The following ACE variants were observed in gnomAD, a reference collection of about 807,000 sequenced individuals.
The protein encoded by ACE is angiotensin I converting enzyme, also known as angiotensin-converting enzyme.
ACE carries 122 observed loss-of-function variants against 162.3 expected under a neutral mutation model. The ratio of observed to expected loss-of-function variants is 0.75; its 90% CI spans 0.65 to 0.87. The LOEUF is 0.87. Among genes scored for constraint, ACE ranks in the 40% least tolerant of loss-of-function variants. ACE has a pLI of 0.00. For missense variants in ACE, 1,799 were observed against 1,735.1 expected, an observed-to-expected ratio of 1.04 and a Z score of -0.65; for synonymous variants, 796 against 720.6, an observed-to-expected ratio of 1.10 and a Z score of -1.68.
Position 63,481,575 on chromosome 17 carries a change from G to T in ACE, c.955G>T (p.Ala319Ser), listed in dbSNP as rs34126458. Residue 319 changes from alanine (A) to serine (S), a missense_variant, in exon 7 of 25, where the codon GCC becomes TCC. Coordinates refer to ENST00000290866, the MANE Select transcript of ACE (RefSeq NM_000789.4). ...CACACCCCTCCTCCAGGGCTGGAAC[G>T]CCACGCACATGTTCCGGGTGGCAGA... ...TSTMLQQGWN[A>S]THMFRVAEEF... is the part of the protein sequence containing the mutation. 4.7e-4 allele frequency: 760 copies of T among 1,613,874 alleles called. 5 individuals are homozygous for T. Among genetic ancestry groups the T allele is most frequent in the Middle Eastern group, 1.5e-3 (9 of 6,056 alleles).
Position 63,477,265 on chromosome 17 carries a change from CGAACA to C in ACE, c.173_177del (p.Glu58GlyfsTer47). 6.7e-7 allele frequency: 1 copy of C among 1,494,738 alleles called. No homozygotes were observed. Among genetic ancestry groups the C allele is most frequent in the Non-Finnish European group, 8.9e-7 (1 of 1,123,084 alleles). 92.6% of individuals were successfully genotyped at this position (1,494,738 alleles called of 1,614,324 possible). A position where few individuals can be genotyped will look rare whatever the true frequency, so the allele number is the denominator to read the frequency against. On this transcript the variant is annotated frameshift_variant, in exon 1 of 25. Coordinates refer to ENST00000290866, the MANE Select transcript of ACE (RefSeq NM_000789.4). LOFTEE classifies it high-confidence loss of function. ...TCGCGCAGAGCTACAACTCCAGCGC[CGAACA>C]GGTGCTGTTCCAGAGCGTGGCCGCC...
At position 63,483,943 on chromosome 17, in the gene ACE, C is replaced by T. The variant is rs4314; in HGVS notation, c.1681C>T (p.Arg561Trp). ...CCCACTGCACCAGTGTGACATCTAC[C>T]GGTCCACCAAGGCAGGGGCCAAGCT... ...EGPLHQCDIY[R>W]STKAGAKLRK... The change falls in exon 11 of 25, where the codon CGG becomes TGG. Residue 561 changes from arginine to tryptophan, a missense_variant. Arg to Trp is a moderately radical substitution (Grantham distance 101, BLOSUM62 -3). Coordinates refer to ENST00000290866, the MANE Select transcript of ACE (RefSeq NM_000789.4). 917 of 1,614,008 alleles carry T rather than the reference C, an allele frequency of 5.7e-4. 7 individuals are homozygous for T. The African/African-American group carries it at 9.8e-3, about 17-fold the overall frequency.
Position 63,482,713 on chromosome 17 carries a change from C to T in ACE, c.1342+24C>T, listed in dbSNP as rs778249607. 4 of 1,606,430 alleles carry T rather than the reference C, an allele frequency of 2.5e-6. No individual in the cohort carries two copies. In the Admixed American group the frequency reaches 6.7e-5, roughly 27 times the overall value. On this transcript the variant is annotated intron_variant, in intron 8 of 24. Transcript: ENST00000290866. ...GGGTATGGGAGGGCTGAGAGGCCCC[C>T]ACCCAGCCTCACCTAAACCCCGCTC...
Position 63,484,993 on chromosome 17 carries a change from C to T in ACE, c.1922-243C>T. 6.2e-7 allele frequency: 1 copy of T among 1,609,872 alleles called. No homozygotes were observed. The highest frequency in any genetic ancestry group is 8.5e-7 in the Non-Finnish European group (1 of 1,178,254). ...AGGTGACAGTCACCCATGGGACAAG[C>T]AGCCAGGCAACAACCAGCAGCCAGA... On this transcript the variant is annotated intron_variant, in intron 12 of 24. Coordinates refer to ENST00000290866, the MANE Select transcript of ACE (RefSeq NM_000789.4). The surrounding 1 kb of genome is among the most constrained non-coding windows in gnomAD (Gnocchi z 4.0).
rs952298476 is a variant in ACE, at chr17:63,484,696, C to T, written c.1921+155C>T. 9.0e-6 allele frequency: 13 copies of T among 1,444,626 alleles called. No homozygotes were observed. The African/African-American group carries it at 1.4e-4, about 16-fold the overall frequency. 89.5% of individuals were successfully genotyped at this position (1,444,626 alleles called of 1,614,324 possible). A position where few individuals can be genotyped will look rare whatever the true frequency, so the allele number is the denominator to read the frequency against. On this transcript the variant is annotated intron_variant, in intron 12 of 24. Coordinates refer to ENST00000290866, the MANE Select transcript of ACE (RefSeq NM_000789.4). The surrounding 1 kb of genome is among the most constrained non-coding windows in gnomAD (Gnocchi z 4.0). ...CCCCCAAGCTCATCAGCAGGGCCTG[C>T]GAGTGGGGACAGGCATGTCTTTCCC...
chr17:63,491,109 C>G lies in ACE; in HGVS notation c.2739+58C>G. On this transcript the variant is annotated intron_variant, in intron 18 of 24. Coordinates refer to ENST00000290866, the MANE Select transcript of ACE (RefSeq NM_000789.4). The surrounding 1 kb of genome is among the most constrained non-coding windows in gnomAD (Gnocchi z 4.4). The stretch of plus-strand genomic sequence containing the variant: ...CCGGGATGGGAGGGACCCTCTGATT[C>G]AGGAGTTCCCTCCAGTTTAGCCCTC... The G allele has an allele frequency of 5.0e-6, 8 of 1,610,790 alleles. No homozygotes were observed. Among genetic ancestry groups the G allele is most frequent in the Non-Finnish European group, 5.9e-6 (7 of 1,177,674 alleles).
rs769913687 is a variant in ACE, at chr17:63,481,663, T to C, written c.1043T>C (p.Leu348Pro). The C allele has an allele frequency of 6.2e-7, 1 of 1,614,024 alleles. No homozygotes were observed. Residue 348 changes from leucine to proline, a missense_variant, in exon 7 of 25, where the codon CTG becomes CCG. Coordinates refer to ENST00000290866, the MANE Select transcript of ACE (RefSeq NM_000789.4). ...MPPEFWEGSM[L>P]EKPADGREVV... ...CCCGAGTTCTGGGAAGGGTCGATGC[T>C]GGAGAAGCCGGCCGACGGGCGGGAA...
intron 5 of ACE, 32 bp from the exon 6 acceptor site, chr17:63,481,059 G>A: frequency 6.3e-7 from 1 of 1,595,536 alleles, no homozygotes; most frequent in Non-Finnish European, 8.6e-7. Flanking sequence ...GCCAGGCAGG[G>A]AGCCAAGCTG....
Position 63,494,067 on chromosome 17 carries a change from G to T in ACE, c.3281+1G>T, listed in dbSNP as rs757901398. The T allele has an allele frequency of 1.2e-6, 2 of 1,614,008 alleles. No homozygotes were observed. Among genetic ancestry groups the T allele is most frequent in the Non-Finnish European group, 1.7e-6 (2 of 1,180,028 alleles). Reference sequence around the variant, plus strand: ...ATAACCAGGAGTGGTGGAGCCTCAGGTTCTGGAACACTCCCACGGGATGCG... The same window carrying T: ...ATAACCAGGAGTGGTGGAGCCTCAGTTTCTGGAACACTCCCACGGGATGCG... On this transcript the variant is annotated splice_donor_variant, in intron 21 of 24. Coordinates refer to ENST00000290866, the MANE Select transcript of ACE (RefSeq NM_000789.4). LOFTEE classifies it high-confidence loss of function.
In ACE at chr17:63,483,493, C is replaced by T. The variant is rs768430819; in HGVS notation, c.1521C>T (p.Thr507=). The change falls in exon 10 of 25, where the codon ACC becomes ACT. Residue 507 remains threonine, a synonymous_variant. Coordinates refer to ENST00000290866, the MANE Select transcript of ACE (RefSeq NM_000789.4). ...ATCAGGGGATCTGTCCTCCTGTTAC[C>T]CGAAACGAAACCCACTTTGATGCTG... The part of the protein sequence containing the change: ...TKYQGICPPV[T]RNETHFDAGA... 1.2e-6 allele frequency: 2 copies of T among 1,613,988 alleles called. No homozygotes were observed. The highest frequency in any genetic ancestry group is 2.7e-5 in the African/African-American group (2 of 74,892).
In ACE at chr17:63,481,556, C is replaced by T. The variant is rs201977675; in HGVS notation, c.946-10C>T. 1.9e-6 allele frequency: 3 copies of T among 1,613,616 alleles called. No individual in the cohort carries two copies. Among genetic ancestry groups the T allele is most frequent in the South Asian group, 2.2e-5 (2 of 91,058 alleles). On this transcript the variant is annotated splice_polypyrimidine_tract_variant and intron_variant, in intron 6 of 24. Transcript: ENST00000290866. The stretch of plus-strand genomic sequence containing the variant: ...GCTCCCCCTGACCTGGCTCCACACC[C>T]CTCCTCCAGGGCTGGAACGCCACGC...
Position 63,477,334 on chromosome 17 carries a change from A to G in ACE, c.240A>G (p.Ala80=), listed in dbSNP as rs370200820. ...ACACCAACATCACCGCGGAGAATGC[A>G]AGGCGCCAGGTGGGCGCCCGGGCCC... ...AHDTNITAEN[A]RRQEEAALLS... The change falls in exon 1 of 25, where the codon GCA becomes GCG. Residue 80 remains alanine, a synonymous_variant. Transcript: ENST00000290866. 286 of 1,322,254 alleles carry G rather than the reference A, an allele frequency of 2.2e-4. 1 individual carries two copies. In the East Asian group the frequency reaches 6.8e-3, roughly 32 times the overall value. The allele number at this position is 1,322,254 out of a possible 1,614,324, so 81.9% of individuals were successfully genotyped here. A position where few individuals can be genotyped will look rare whatever the true frequency, so the allele number is the denominator to read the frequency against.
At chr17:63,480,627 C>T in intron 5 of ACE, 99 bp downstream of exon 5, 4 of 1,244,162 alleles carry the variant, frequency 3.2e-6, no homozygotes, top group Non-Finnish European at 4.7e-6. Context: ...GGTTGTGACC[C>T]TCACATCTCA....
chr17:63,488,547 T>TTTTTTTTTTGAGAC, intron 15 of ACE, 101 bp from the exon 16 acceptor site: 1 of 1,300,792 alleles, frequency 7.7e-7, no homozygotes, highest in Non-Finnish European at 1.1e-6. Flanking sequence ...CACTTTTATG[T>TTTTTTTTTTGAGAC]GGTTTCGCCA....
intron 21 of ACE, 78 bp downstream of exon 21, chr17:63,494,144 C>T: frequency 6.3e-7 from 1 of 1,580,950 alleles, no homozygotes; most frequent in East Asian, 2.2e-5. Context: ...CTGGATGGGC[C>T]AGGGTAGGGG....
chr17:63,490,098 CTCTCTCCCTCT>C (rs1312994502), intron 17 of ACE: 2 of 152,600 alleles, frequency 1.3e-5, no homozygotes, highest in Non-Finnish European at 2.9e-5. Flanking sequence ...CTCTCCCTGG[CTCTCTCCCTCT>C]TCTCTCTCAT....
intron 4 of ACE, 99 bp downstream of exon 4, chr17:63,480,011 A>G: frequency 1.3e-6 from 2 of 1,498,676 alleles, no homozygotes; most frequent in Non-Finnish European, 9.0e-7. Context: ...AGCTGGTATG[A>G]CAATTCCAGC....
intron 9 of ACE, 96 bp from the exon 10 acceptor site, chr17:63,483,364 G>T (rs936842002): frequency 6.8e-7 from 1 of 1,472,326 alleles, no homozygotes; most frequent in African/African-American, 1.4e-5. Flanking sequence ...CTCAGGATGG[G>T]GAAGGGTTGC....
In ACE at chr17:63,484,957, G is replaced by A. The variant is rs752995823; in HGVS notation, c.1922-279G>A. 5.6e-6 allele frequency: 9 copies of A among 1,603,332 alleles called. No individual in the cohort carries two copies. The South Asian group carries it at 7.9e-5, about 14-fold the overall frequency. The stretch of plus-strand genomic sequence containing the variant: ...ACCCTCTGCTGGTCCCCAGCCAGGA[G>A]GCATCCCAACAGGTGACAGTCACCC... On this transcript the variant is annotated intron_variant, in intron 12 of 24. Transcript: ENST00000290866. The surrounding 1 kb of genome is among the most constrained non-coding windows in gnomAD (Gnocchi z 4.0).
Sources: allele counts gnomAD v4.1 joint callset, GRCh38; gene constraint gnomAD v4.1.1; non-coding constraint Gnocchi (gnomAD v3.1); transcripts MANE v1.5; gene names NCBI Gene and HGNC (gene_info 2026-07-23, HGNC 2026-07-21).